NRG3: variants seen among roughly 807,000 people sequenced by gnomAD.
The protein encoded by NRG3 is pro-neuregulin-3, membrane-bound isoform.
Under a neutral mutation model 66.9 loss-of-function variants are expected in NRG3, and 31 were observed. The observed-to-expected ratio is 0.46, with a 90% CI of 0.35 to 0.63. The LOEUF is 0.63. NRG3 is among the 20% of genes least tolerant of loss of function. The pLI is 0.00. For synonymous variants in NRG3, 393 were observed against 359.4 expected (o/e 1.09, Z -1.06); for missense variants, 910 against 878.9 (o/e 1.04, Z -0.45).
At chr10:82,281,900 A>T (rs766996199) in intron 1 of NRG3, among the ~76,000 whole-genome samples, 1 of 152,166 alleles carries the variant, frequency 6.6e-6, no homozygotes, top group Non-Finnish European at 1.5e-5. Flanking sequence ...TAGAGAAAGG[A>T]TTGACAGTAG....
chr10:81,963,106 A>C lies in NRG3; in HGVS notation c.823+86943A>C, dbSNP rs187110853. On this transcript the variant is annotated intron_variant, in intron 1 of 8. Coordinates refer to ENST00000372141, the MANE Select transcript of NRG3 (RefSeq NM_001010848.4). ...GATGTTCTGCTCATCTTTGGAAAATATGATCTGCCACGAGGGCTCTTTTTT... is the reference window on the plus strand; with the variant it reads ...GATGTTCTGCTCATCTTTGGAAAATCTGATCTGCCACGAGGGCTCTTTTTT... Among the ~76,000 whole-genome samples, 329 of 142,508 alleles carry C rather than the reference A, an allele frequency of 2.3e-3. 1 individual carries two copies. The highest frequency in any genetic ancestry group is 0.011 in the Middle Eastern group (3 of 266). 93.5% of individuals were successfully genotyped at this position (142,508 alleles called of 152,430 possible).
At chr10:82,833,398 T>G (rs1044898551) in intron 3 of NRG3, among the ~76,000 whole-genome samples, 16 of 152,168 alleles carry the variant, frequency 1.1e-4, no homozygotes, top group African/African-American at 2.9e-4. Flanking sequence ...AGTGCGGTAC[T>G]GTTTCCCACT....
intron 2 of NRG3, among the ~76,000 whole-genome samples, chr10:82,428,451 G>T (rs112165295): frequency 1.8e-3 from 274 of 151,566 alleles, no homozygotes; most frequent in African/African-American, 6.2e-3. Context: ...TGACTCCTTT[G>T]TTATTTAACA....
chr10:82,047,671 A>G (rs946722556), intron 1 of NRG3, among the ~76,000 whole-genome samples: 6 of 151,882 alleles, frequency 4.0e-5, no homozygotes, highest in East Asian at 1.9e-4. Flanking sequence ...GACCATCGAG[A>G]CTAGGAAGAA....
rs193051597 is a variant in NRG3 at position 82,281,009 on chromosome 10, T to A, written c.824-77730T>A. On this transcript the variant is annotated intron_variant, in intron 1 of 8. Transcript: ENST00000372141. ...TTGTAGCCTGATTAAATAGATCTTA[T>A]TTTTTGTTCTATCTTTTGTGCAAAA... Among the ~76,000 whole-genome samples the A allele has an allele frequency of 1.0e-3, 154 of 152,304 alleles. 2 individuals are homozygous for A. The East Asian group carries it at 0.021, about 21-fold the overall frequency.
At chr10:81,946,549 C>T (rs1317430207) in intron 1 of NRG3, among the ~76,000 whole-genome samples, 1 of 152,100 alleles carries the variant, frequency 6.6e-6, no homozygotes, top group Non-Finnish European at 1.5e-5. Flanking sequence ...AAGGAAGGGA[C>T]ATACCACATG....
intron 1 of NRG3, among the ~76,000 whole-genome samples, chr10:82,071,079 C>A (rs999561985): frequency 7.2e-5 from 11 of 151,942 alleles, no homozygotes; most frequent in African/African-American, 2.7e-4. Context: ...CCGATAGTAC[C>A]CTGTAAACTC....
At chr10:82,614,016 C>T (rs1024935531) in intron 2 of NRG3, among the ~76,000 whole-genome samples, 5 of 152,080 alleles carry the variant, frequency 3.3e-5, no homozygotes, top group African/African-American at 1.2e-4. Context: ...AATTCTGCCT[C>T]AGCCTCCCAA....
At chr10:82,898,694 A>C (rs1180772610) in intron 4 of NRG3, among the ~76,000 whole-genome samples, 3 of 151,056 alleles carry the variant, frequency 2.0e-5, no homozygotes, top group African/African-American at 7.3e-5. Flanking sequence ...GTGGGGCTGA[A>C]TAGAAGGCCA....
chr10:82,727,254 T>C (rs891671898), intron 2 of NRG3, among the ~76,000 whole-genome samples: 1 of 152,048 alleles, frequency 6.6e-6, no homozygotes, highest in Non-Finnish European at 1.5e-5. Context: ...CCCAAGACAA[T>C]GGGGAAAATG....
intron 2 of NRG3, among the ~76,000 whole-genome samples, chr10:82,683,907 T>G (rs1230452831): frequency 6.6e-6 from 1 of 152,198 alleles, no homozygotes; most frequent in African/African-American, 2.4e-5. Flanking sequence ...AAAAAAATGT[T>G]GTGGAAGTGC....
intron 3 of NRG3, among the ~76,000 whole-genome samples, chr10:82,795,094 A>C (rs1378307135): frequency 1.3e-5 from 2 of 152,254 alleles, no homozygotes; most frequent in South Asian, 2.1e-4. Context: ...AGTGAGTACT[A>C]TCCAGAATAA....
At chr10:82,341,450 T>C (rs1279005353) in intron 1 of NRG3, among the ~76,000 whole-genome samples, 1 of 152,098 alleles carries the variant, frequency 6.6e-6, no homozygotes, top group East Asian at 1.9e-4. Flanking sequence ...TTCTGTAAAA[T>C]GAAAATGATA....
At position 81,916,063 on chromosome 10, in the gene NRG3, T is replaced by C. The variant is rs184223389; in HGVS notation, c.823+39900T>C. On this transcript the variant is annotated intron_variant, in intron 1 of 8. Coordinates refer to ENST00000372141, the MANE Select transcript of NRG3 (RefSeq NM_001010848.4). ...GTAATCAACATAAAAATTAATGAAATATTTTAAATTCTTTTTTTAGTTGTA... is the reference window on the plus strand; with the variant it reads ...GTAATCAACATAAAAATTAATGAAACATTTTAAATTCTTTTTTTAGTTGTA... Among the ~76,000 whole-genome samples, 177 of 152,314 alleles carry C rather than the reference T, an allele frequency of 1.2e-3. 1 individual carries two copies. Among genetic ancestry groups the C allele is most frequent in the Middle Eastern group, 0.01 (3 of 294 alleles).
At chr10:82,447,397 A>T (rs947767400) in intron 2 of NRG3, among the ~76,000 whole-genome samples, 4 of 152,198 alleles carry the variant, frequency 2.6e-5, no homozygotes, top group African/African-American at 9.7e-5. Flanking sequence ...CAGCCTGGAC[A>T]ACATAGTGAG....
At chr10:82,525,540 G>A (rs894963880) in intron 2 of NRG3, among the ~76,000 whole-genome samples, 1 of 151,748 alleles carries the variant, frequency 6.6e-6, no homozygotes, top group African/African-American at 2.4e-5. Flanking sequence ...GGGACTCCTA[G>A]GAACCTTAAA....
chr10:82,717,016 G>T (rs1488810682), intron 2 of NRG3, among the ~76,000 whole-genome samples: 1 of 152,054 alleles, frequency 6.6e-6, no homozygotes, highest in Non-Finnish European at 1.5e-5. Flanking sequence ...GTCTTTCATT[G>T]GAACTAGTTA....
At chr10:82,129,437 T>A (rs1358464282) in intron 1 of NRG3, among the ~76,000 whole-genome samples, 2 of 152,128 alleles carry the variant, frequency 1.3e-5, no homozygotes, top group African/African-American at 2.4e-5. Flanking sequence ...ACATAGTTGG[T>A]GTATGTATGT....
chr10:82,878,639 C>T (rs190972526), intron 4 of NRG3, among the ~76,000 whole-genome samples: 41 of 152,176 alleles, frequency 2.7e-4, no homozygotes, highest in African/African-American at 9.2e-4. Context: ...TTATGGGCAG[C>T]GATGGAAACA....
Sources: gnomAD v4.1 joint callset for allele counts (sites outside exome capture counted in the v4.1 genomes callset) on GRCh38, gnomAD v4.1.1 for gene constraint, MANE v1.5 for transcripts, NCBI Gene and HGNC (gene_info 2026-07-23, HGNC 2026-07-21) for gene names.